Variants in KCND3 observed in about 807,000 individuals in gnomAD.
KCND3 encodes potassium voltage-gated channel subfamily D member 3.
KCND3 carries 9 observed loss-of-function variants against 51.1 expected under a neutral mutation model. The ratio of observed to expected loss-of-function variants is 0.18; its 90% CI spans 0.11 to 0.31. The LOEUF (loss-of-function observed/expected upper bound fraction) is 0.31, where lower values mean the gene tolerates loss of function less well. Among genes scored for constraint, KCND3 ranks in the 10% least tolerant of loss-of-function variants. KCND3 has a pLI of 1.00. For synonymous variants in KCND3, 349 were observed against 368.0 expected, an observed-to-expected ratio of 0.95 and a Z score of 0.59; for missense variants, 526 against 903.8, an observed-to-expected ratio of 0.58 and a Z score of 5.36.
At chr1:111,960,732 CTT>C (rs1355284005) in intron 2 of KCND3, among the ~76,000 whole-genome samples, 2 of 152,240 alleles carry the variant, frequency 1.3e-5, no homozygotes, top group African/African-American at 4.8e-5. Context: ...TGGGGGAACA[CTT>C]TCTCTCCAAC....
chr1:111,810,008 G>C (rs1408454407), intron 2 of KCND3, among the ~76,000 whole-genome samples: 1 of 152,192 alleles, frequency 6.6e-6, no homozygotes, highest in South Asian at 2.1e-4. Context: ...GCAAGAAGCT[G>C]CTTCCTGGTC....
intron 2 of KCND3, among the ~76,000 whole-genome samples, chr1:111,838,818 T>C (rs1667194648): frequency 6.6e-6 from 1 of 152,200 alleles, no homozygotes; most frequent in Non-Finnish European, 1.5e-5. Flanking sequence ...TGGAGGACAG[T>C]TTTGAAGTCA....
chr1:111,936,733 C>T (rs1279727505), intron 2 of KCND3, among the ~76,000 whole-genome samples: 3 of 152,236 alleles, frequency 2.0e-5, no homozygotes, highest in Non-Finnish European at 4.4e-5. Context: ...CTGTGAAGCA[C>T]TCTCAGGCCT....
Position 111,982,272 on chromosome 1 carries a change from T to C in KCND3, c.455A>G (p.Asp152Gly). The C allele has an allele frequency of 1.2e-6, 2 of 1,613,952 alleles. No individual in the cohort carries two copies. Among genetic ancestry groups the C allele is most frequent in the Non-Finnish European group, 1.7e-6 (2 of 1,179,974 alleles). The change falls in exon 2 of 8, where the codon GAC (aspartate) becomes GGC (glycine). Residue 152 changes from aspartate (D) to glycine (G), a missense_variant. By Grantham distance (94) the Asp-to-Gly change is moderately conservative. Coordinates refer to ENST00000302127, the MANE Select transcript of KCND3 (RefSeq NM_001378969.1). This position sits in a 1 kb window ranked among gnomAD's most constrained non-coding sequence, Gnocchi z 8.5. Reference protein sequence around the residue: ...ENAERLMDDNDSENNQESMPS... With the variant: ...ENAERLMDDNGSENNQESMPS... Reference sequence around the variant, plus strand: ...CATGGACTCCTGGTTGTTCTCCGAGTCGTTGTCGTCCATGAGCCGCTCGGC... The same window carrying C: ...CATGGACTCCTGGTTGTTCTCCGAGCCGTTGTCGTCCATGAGCCGCTCGGC...
chr1:111,798,078 T>C (rs138491274), intron 2 of KCND3, among the ~76,000 whole-genome samples: 69 of 152,338 alleles, frequency 4.5e-4, no homozygotes, highest in African/African-American at 1.6e-3. Flanking sequence ...GCTTAGTAAC[T>C]GACTCACTGT....
chr1:111,780,879 A>AG lies in KCND3; in HGVS notation c.1270-89dup. On this transcript the variant is annotated intron_variant, in intron 3 of 7. Coordinates refer to ENST00000302127, the MANE Select transcript of KCND3 (RefSeq NM_001378969.1). The surrounding 1 kb of genome is among the most constrained non-coding windows in gnomAD (Gnocchi z 4.2). ...GGTGAAGCTGTGAGGCTGGCTTCCC[A>AG]GGTGACACCTGATGAAGGGGATGAG... The AG allele has an allele frequency of 9.5e-7, 1 of 1,057,800 alleles. No individual in the cohort carries two copies. Among genetic ancestry groups the AG allele is most frequent in the East Asian group, 2.5e-5 (1 of 39,952 alleles). The allele number at this position is 1,057,800 out of a possible 1,614,324, so 65.5% of individuals were successfully genotyped here.
At chr1:111,967,691 C>T (rs1465251800) in intron 2 of KCND3, among the ~76,000 whole-genome samples, 2 of 152,206 alleles carry the variant, frequency 1.3e-5, no homozygotes, top group East Asian at 3.8e-4. Context: ...GGCTGGTTCT[C>T]CAGGGTAAGG....
chr1:111,905,841 C>T (rs1460608546), intron 2 of KCND3, among the ~76,000 whole-genome samples: 1 of 152,070 alleles, frequency 6.6e-6, no homozygotes, highest in Admixed American at 6.5e-5. Context: ...CCTGGGGACG[C>T]CTGACCTTAG....
rs1473555597 is a variant in KCND3 at position 111,841,345 on chromosome 1, C to T, written c.1107-54239G>A. ...AACTTCCCTCGCTGTACATTTCAGG[C>T]CTGCGTTCCATCCAACAGAGAGGAG... On this transcript the variant is annotated intron_variant, in intron 2 of 7. Transcript: ENST00000302127. 2.6e-5 allele frequency among the ~76,000 whole-genome samples: 4 copies of T among 152,214 alleles called. No individual in the cohort carries two copies. The South Asian group carries it at 6.2e-4, about 24-fold the overall frequency.
chr1:111,896,389 A>C (rs887059675), intron 2 of KCND3, among the ~76,000 whole-genome samples: 2 of 152,196 alleles, frequency 1.3e-5, no homozygotes, highest in African/African-American at 4.8e-5. Flanking sequence ...TTTGATTAAT[A>C]CCACATGACA....
chr1:111,858,043 G>A (rs1668163434), intron 2 of KCND3, among the ~76,000 whole-genome samples: 1 of 152,256 alleles, frequency 6.6e-6, no homozygotes, highest in South Asian at 2.1e-4. Context: ...GAAGAGTGAC[G>A]TGACTTACTG....
In KCND3 at chr1:111,772,204, A is replaced by C. The variant is rs141863274; in HGVS notation, c.*3873T>G. On this transcript the variant is annotated 3_prime_UTR_variant, in exon 8 of 8. Transcript: ENST00000302127. The stretch of plus-strand genomic sequence containing the variant: ...ACCATCACAGACTGTCATAAGAACC[A>C]CAAGGAGTATAAAAGGTATGCTTCA... 9.2e-5 allele frequency: 14 copies of C among 152,326 alleles called. No homozygotes were observed. The East Asian group carries it at 2.1e-3, about 23-fold the overall frequency. The allele number at this position is 152,326 out of a possible 1,614,324, so 9.4% of individuals were successfully genotyped here.
intron 2 of KCND3, among the ~76,000 whole-genome samples, chr1:111,955,486 T>G (rs969368425): frequency 6.6e-6 from 1 of 152,174 alleles, no homozygotes; most frequent in Non-Finnish European, 1.5e-5. Context: ...GGAGGGTAAA[T>G]CATCCCCTCC....
At chr1:111,871,738 A>G (rs1463371202) in intron 2 of KCND3, among the ~76,000 whole-genome samples, 6 of 152,230 alleles carry the variant, frequency 3.9e-5, no homozygotes, top group Admixed American at 3.9e-4. Flanking sequence ...GAGAAAGAGC[A>G]AAAAAGAGTC....
chr1:111,939,234 A>T (rs1046549683), intron 2 of KCND3, among the ~76,000 whole-genome samples: 2 of 151,938 alleles, frequency 1.3e-5, no homozygotes, highest in Non-Finnish European at 2.9e-5. Context: ...TTTATTTTTA[A>T]TTTTTTTTAG....
chr1:111,811,857 G>A (rs1403674743), intron 2 of KCND3, among the ~76,000 whole-genome samples: 1 of 152,212 alleles, frequency 6.6e-6, no homozygotes, highest in Admixed American at 6.5e-5. Flanking sequence ...GGGGCCTGGA[G>A]AATTTAGGCT....
intron 2 of KCND3, among the ~76,000 whole-genome samples, chr1:111,862,716 G>A (rs1005020684): frequency 2.6e-5 from 4 of 152,228 alleles, no homozygotes; most frequent in African/African-American, 9.6e-5. Flanking sequence ...TCCCTTCTCT[G>A]TAGAGTAGGG....
At chr1:111,989,024 G>A (rs961624489) in intron 1 of KCND3, 8 of 152,330 alleles carry the variant, frequency 5.3e-5, no homozygotes, top group African/African-American at 1.9e-4. Flanking sequence ...TCGCGGGGTG[G>A]AAGTGGCGTC....
chr1:111,974,725 C>T (rs969139616), intron 2 of KCND3, among the ~76,000 whole-genome samples: 2 of 152,180 alleles, frequency 1.3e-5, no homozygotes, highest in Non-Finnish European at 2.9e-5. Flanking sequence ...ATAATTGCTG[C>T]TCCTCAGGAG....
Sources: gnomAD v4.1 joint callset for allele counts (sites outside exome capture counted in the v4.1 genomes callset) on GRCh38, gnomAD v4.1.1 for gene constraint, Gnocchi (gnomAD v3.1) non-coding constraint, MANE v1.5 for transcripts, NCBI Gene and HGNC (gene_info 2026-07-23, HGNC 2026-07-21) for gene names.